The following ASB18 variants were observed in gnomAD, a reference collection of about 807,000 sequenced individuals.
ASB18 encodes the protein ankyrin repeat and SOCS box containing 18, also known as ankyrin repeat and SOCS box protein 18.
In ASB18, 33 loss-of-function variants were observed where a neutral mutation model predicts 33.4. The ratio of observed to expected loss-of-function variants is 0.99; its 90% CI spans 0.75 to 1.32. The LOEUF is 1.32. Ranked by LOEUF, ASB18 falls within the 40% of genes most tolerant of loss-of-function variation. The probability of loss-of-function intolerance (pLI) is 0.00; values close to 1 mark genes in which losing one functional copy is unlikely to be tolerated. For missense variants in ASB18, 694 were observed against 655.5 expected (o/e 1.06, Z -0.64); for synonymous variants, 295 against 307.6 (o/e 0.96, Z 0.43).
Position 236,229,286 on chromosome 2 carries a change from G to A in ASB18, c.596+8403C>T, listed in dbSNP as rs368387007. Among the ~76,000 whole-genome samples, 4 of 152,102 alleles carry A rather than the reference G, an allele frequency of 2.6e-5. No individual in the cohort carries two copies. The highest frequency in any genetic ancestry group is 4.4e-5 in the Non-Finnish European group (3 of 68,030). ...TGGAGATAAAAATATAGTGGATAAG[G>A]TTCATGGCAGATCAGGTATTTCAGA... On this transcript the variant is annotated intron_variant, in intron 3 of 5. Transcript: ENST00000409749. This position sits in a 1 kb window ranked among gnomAD's most constrained non-coding sequence, Gnocchi z 5.2.
At chr2:236,240,547 G>A (rs771923207) in intron 2 of ASB18, among the ~76,000 whole-genome samples, 1 of 152,244 alleles carries the variant, frequency 6.6e-6, no homozygotes, top group Non-Finnish European at 1.5e-5. Flanking sequence ...ATCTGAGCTG[G>A]TGGCGGGTGG....
rs1318789332 is a variant in ASB18 at position 236,214,476 on chromosome 2, C to T, written c.987G>A (p.Pro329=). 1.2e-5 allele frequency: 18 copies of T among 1,507,686 alleles called. No homozygotes were observed. Among genetic ancestry groups the T allele is most frequent in the Non-Finnish European group, 1.4e-5 (16 of 1,134,494 alleles). 93.4% of individuals were successfully genotyped at this position (1,507,686 alleles called of 1,614,324 possible). A position where few individuals can be genotyped will look rare whatever the true frequency, so the allele number is the denominator to read the frequency against. ...ATGCGGTCTGGAGCACGCGGCCCAG[C>T]GGCGAGGCCCCGCCATAGTCGAGCG... The part of the protein sequence containing the change: ...AGALDYGGAS[P]LGRVLQTASC... Residue 329 remains proline, a synonymous_variant, in exon 4 of 6, where the codon CCG becomes CCA. Coordinates refer to ENST00000409749, the MANE Select transcript of ASB18 (RefSeq NM_212556.4). The surrounding 1 kb of genome is among the most constrained non-coding windows in gnomAD (Gnocchi z 6.5).
intron 1 of ASB18, among the ~76,000 whole-genome samples, chr2:236,261,444 A>G (rs2060718163): frequency 6.6e-6 from 1 of 152,114 alleles, no homozygotes; most frequent in African/African-American, 2.4e-5. Flanking sequence ...CATACCCCAA[A>G]TGAACGTCTG....
chr2:236,242,430 T>C (rs2060625287), intron 1 of ASB18, among the ~76,000 whole-genome samples: 1 of 152,182 alleles, frequency 6.6e-6, no homozygotes, highest in South Asian at 2.1e-4. Flanking sequence ...GTTGGCGATC[T>C]CCACTCCCAG....
chr2:236,250,341 A>G lies in ASB18; in HGVS notation c.206-8939T>C, dbSNP rs1408647153. 6.6e-6 allele frequency: 1 copy of G among 152,206 alleles called. No homozygotes were observed. The highest frequency in any genetic ancestry group is 1.5e-5 in the Non-Finnish European group (1 of 68,034). The allele number at this position is 152,206 out of a possible 1,614,324, so 9.4% of individuals were successfully genotyped here. On this transcript the variant is annotated intron_variant, in intron 1 of 5. Transcript: ENST00000409749. This position sits in a 1 kb window ranked among gnomAD's most constrained non-coding sequence, Gnocchi z 4.1. Reference sequence around the variant, plus strand: ...GAGGTAGAATTTTTGAGGCTGCAGGACACCCTGCCATTTTCTCTTGTTCTT... The same window carrying G: ...GAGGTAGAATTTTTGAGGCTGCAGGGCACCCTGCCATTTTCTCTTGTTCTT...
At chr2:236,227,148 G>C (rs750781667) in intron 3 of ASB18, among the ~76,000 whole-genome samples, 25 of 152,142 alleles carry the variant, frequency 1.6e-4, no homozygotes, top group Non-Finnish European at 2.8e-4. Context: ...AGGCGGGGAG[G>C]GAGGAATGGT....
intron 4 of ASB18, among the ~76,000 whole-genome samples, chr2:236,207,869 G>A (rs1163439569): frequency 2.0e-5 from 3 of 149,808 alleles, no homozygotes; most frequent in East Asian, 2.0e-4. Context: ...GGAAACTTAC[G>A]GCCGTGCAGC....
At position 236,208,217 on chromosome 2, in the gene ASB18, G is replaced by C. The variant is rs1182717884; in HGVS notation, c.1101+6145C>G. 6.6e-6 allele frequency among the ~76,000 whole-genome samples: 1 copy of C among 152,110 alleles called. No individual in the cohort carries two copies. The highest frequency in any genetic ancestry group is 1.5e-5 in the Non-Finnish European group (1 of 68,024). On this transcript the variant is annotated intron_variant, in intron 4 of 5. Coordinates refer to ENST00000409749, the MANE Select transcript of ASB18 (RefSeq NM_212556.4). The surrounding 1 kb of genome is among the most constrained non-coding windows in gnomAD (Gnocchi z 7.7). ...GCCACAGAGGGAGTGCCTGGCAGGA[G>C]GCCTGGGGCCAGCACGGTCTTCCCA...
chr2:236,205,799 T>G lies in ASB18; in HGVS notation c.1101+8563A>C, dbSNP rs1383652229. 6.6e-6 allele frequency among the ~76,000 whole-genome samples: 1 copy of G among 152,250 alleles called. No homozygotes were observed. Among genetic ancestry groups the G allele is most frequent in the Non-Finnish European group, 1.5e-5 (1 of 68,044 alleles). ...ATCTTCACTGAGTCTAAAATTCTAG[T>G]GTCCAAATTTTCCTTTCAAAATCGG... On this transcript the variant is annotated intron_variant, in intron 4 of 5. Coordinates refer to ENST00000409749, the MANE Select transcript of ASB18 (RefSeq NM_212556.4). This position sits in a 1 kb window ranked among gnomAD's most constrained non-coding sequence, Gnocchi z 5.4.
At position 236,229,792 on chromosome 2, in the gene ASB18, G is replaced by C. The variant is rs2106275348; in HGVS notation, c.596+7897C>G. ...GGAAGCAGAGGTTGCAGTGAGCTGA[G>C]ATCATGCCACTGCACTCCAGCCTGG... is the stretch of plus-strand genomic sequence containing the variant. On this transcript the variant is annotated intron_variant, in intron 3 of 5. Coordinates refer to ENST00000409749, the MANE Select transcript of ASB18 (RefSeq NM_212556.4). The surrounding 1 kb of genome is among the most constrained non-coding windows in gnomAD (Gnocchi z 5.2). 6.6e-6 allele frequency among the ~76,000 whole-genome samples: 1 copy of C among 152,270 alleles called. No homozygotes were observed. Among genetic ancestry groups the C allele is most frequent in the East Asian group, 1.9e-4 (1 of 5,180 alleles).
chr2:236,196,134 A>G lies in ASB18; in HGVS notation c.1215+138T>C. 1.4e-6 allele frequency: 1 copy of G among 702,766 alleles called. No homozygotes were observed. The highest frequency in any genetic ancestry group is 2.7e-6 in the Non-Finnish European group (1 of 377,178). The allele number at this position is 702,766 out of a possible 1,614,324, so 43.5% of individuals were successfully genotyped here. Reference sequence around the variant, plus strand: ...CTCCAGAAAAAACCAGAAACGTGCAAATACACCCTCATTTCCCATTCTTCC... The same window carrying G: ...CTCCAGAAAAAACCAGAAACGTGCAGATACACCCTCATTTCCCATTCTTCC... On this transcript the variant is annotated intron_variant, in intron 5 of 5. Coordinates refer to ENST00000409749, the MANE Select transcript of ASB18 (RefSeq NM_212556.4). The surrounding 1 kb of genome is among the most constrained non-coding windows in gnomAD (Gnocchi z 5.6).
rs369103406 is a variant in ASB18 at position 236,196,765 on chromosome 2, G to A, written c.1102-380C>T. On this transcript the variant is annotated intron_variant, in intron 4 of 5. Coordinates refer to ENST00000409749, the MANE Select transcript of ASB18 (RefSeq NM_212556.4). The surrounding 1 kb of genome is among the most constrained non-coding windows in gnomAD (Gnocchi z 5.6). ...GTTCTGCTAGGAGGAAGTTTGGCCCGAGGATGGTGTTCCCAATTTCTTACC... is the reference window on the plus strand; with the variant it reads ...GTTCTGCTAGGAGGAAGTTTGGCCCAAGGATGGTGTTCCCAATTTCTTACC... Among the ~76,000 whole-genome samples the A allele has an allele frequency of 7.9e-5, 12 of 152,330 alleles. No homozygotes were observed. The highest frequency in any genetic ancestry group is 2.2e-4 in the African/African-American group (9 of 41,580).
intron 4 of ASB18, among the ~76,000 whole-genome samples, chr2:236,198,112 C>G (rs564903401): frequency 3.9e-5 from 6 of 152,156 alleles, no homozygotes; most frequent in Non-Finnish European, 8.8e-5. Flanking sequence ...GGAGGCTGCT[C>G]ACTTCACAAC....
chr2:236,254,544 CCT>C (rs2060683200), intron 1 of ASB18, among the ~76,000 whole-genome samples: 1 of 151,310 alleles, frequency 6.6e-6, no homozygotes, highest in Non-Finnish European at 1.5e-5. Context: ...ATTTTTCCAC[CCT>C]GTTATTATTC....
Position 236,244,348 on chromosome 2 carries a change from C to T in ASB18, c.206-2946G>A, listed in dbSNP as rs765767557. On this transcript the variant is annotated intron_variant, in intron 1 of 5. Coordinates refer to ENST00000409749, the MANE Select transcript of ASB18 (RefSeq NM_212556.4). The surrounding 1 kb of genome is among the most constrained non-coding windows in gnomAD (Gnocchi z 6.1). ...GGCCCAGGAGGGCTAAGCAGACCCTCGCCCAGGGAGGCGGGCATAGCATAA... is the reference window on the plus strand; with the variant it reads ...GGCCCAGGAGGGCTAAGCAGACCCTTGCCCAGGGAGGCGGGCATAGCATAA... Among the ~76,000 whole-genome samples the T allele has an allele frequency of 6.6e-6, 1 of 150,768 alleles. No homozygotes were observed. The highest frequency in any genetic ancestry group is 2.5e-5 in the African/African-American group (1 of 40,052).
In ASB18 at chr2:236,237,805, G is replaced by T; in HGVS notation, c.480C>A (p.Cys160Ter). Residue 160 changes from cysteine to a stop codon, truncating the protein, a stop_gained, in exon 3 of 6, where the codon TGC becomes TGA. Coordinates refer to ENST00000409749, the MANE Select transcript of ASB18 (RefSeq NM_212556.4). LOFTEE classifies it high-confidence loss of function. The surrounding 1 kb of genome is among the most constrained non-coding windows in gnomAD (Gnocchi z 6.2). ...GGACGCAGGCGGTGTGGCCCCCGAG[G>T]CAGGCCTCGTGCAGGGCGCCGCGGC... Reference protein sequence around the residue: ...PGGRGALHEACLGGHTACVRL... With the variant: ...PGGRGALHEA The T allele has an allele frequency of 1.4e-6, 2 of 1,422,120 alleles. No individual in the cohort carries two copies. Among genetic ancestry groups the T allele is most frequent in the Non-Finnish European group, 1.8e-6 (2 of 1,093,766 alleles). The allele number at this position is 1,422,120 out of a possible 1,614,324, so 88.1% of individuals were successfully genotyped here.
rs2060662263 is a variant in ASB18, at chr2:236,250,041, AAGG to A, written c.206-8642_206-8640del. ...TCCTATAGTGTAGGTAGCTAATGAG[AAGG>A]AGTTTTTGCCTCTGGATCAAATGAG... On this transcript the variant is annotated intron_variant, in intron 1 of 5. Transcript: ENST00000409749. This position sits in a 1 kb window ranked among gnomAD's most constrained non-coding sequence, Gnocchi z 4.1. 1.3e-5 allele frequency: 2 copies of A among 152,226 alleles called. No homozygotes were observed. The highest frequency in any genetic ancestry group is 2.9e-5 in the Non-Finnish European group (2 of 68,036). The allele number at this position is 152,226 out of a possible 1,614,324, so 9.4% of individuals were successfully genotyped here.
chr2:236,201,834 C>T (rs535366552), intron 4 of ASB18, among the ~76,000 whole-genome samples: 3 of 152,194 alleles, frequency 2.0e-5, no homozygotes, highest in South Asian at 4.1e-4. Context: ...TGGGTTATAT[C>T]CTTGGTCAAT....
At position 236,259,618 on chromosome 2, in the gene ASB18, G is replaced by T. The variant is rs1423353436; in HGVS notation, c.205+4523C>A. 2.1e-6 allele frequency: 1 copy of T among 470,438 alleles called. No individual in the cohort carries two copies. Among genetic ancestry groups the T allele is most frequent in the African/African-American group, 2.0e-5 (1 of 50,088 alleles). 29.1% of individuals were successfully genotyped at this position (470,438 alleles called of 1,614,324 possible). A position where few individuals can be genotyped will look rare whatever the true frequency, so the allele number is the denominator to read the frequency against. On this transcript the variant is annotated intron_variant, in intron 1 of 5. Transcript: ENST00000409749. This position sits in a 1 kb window ranked among gnomAD's most constrained non-coding sequence, Gnocchi z 4.4. Reference sequence around the variant, plus strand: ...GGCAAAGGTGAGCAGAGGAGGTGCAGCCCTGGCTGGGAGGATCCTGTTGGG... The same window carrying T: ...GGCAAAGGTGAGCAGAGGAGGTGCATCCCTGGCTGGGAGGATCCTGTTGGG...
Sources: gnomAD v4.1 joint callset for allele counts (sites outside exome capture counted in the v4.1 genomes callset) on GRCh38, gnomAD v4.1.1 for gene constraint, Gnocchi (gnomAD v3.1) non-coding constraint, MANE v1.5 for transcripts, NCBI Gene and HGNC (gene_info 2026-07-23, HGNC 2026-07-21) for gene names.